The following HEATR5B variants were observed in gnomAD, a reference collection of about 807,000 sequenced individuals.
HEATR5B encodes HEAT repeat-containing protein 5B.
In HEATR5B, 156 loss-of-function variants were observed where a neutral mutation model predicts 224.1. The ratio of observed to expected loss-of-function variants is 0.70; its 90% CI spans 0.61 to 0.80. The LOEUF is 0.80. HEATR5B is among the 30% of genes least tolerant of loss of function. The pLI is 0.00. For missense variants in HEATR5B, 2,323 were observed against 2,535.5 expected (o/e 0.92, Z 1.80); for synonymous variants, 1,027 against 893.0 (o/e 1.15, Z -2.68).
intron 20 of HEATR5B, among the ~76,000 whole-genome samples, chr2:37,040,072 C>G (rs1327982382): frequency 1.3e-5 from 2 of 152,186 alleles, no homozygotes; most frequent in Admixed American, 6.5e-5. Flanking sequence ...TTTCATGGGA[C>G]TCCAAGTAAA....
chr2:37,023,729 G>A (rs1264482382), intron 24 of HEATR5B, among the ~76,000 whole-genome samples: 1 of 152,094 alleles, frequency 6.6e-6, no homozygotes, highest in Non-Finnish European at 1.5e-5. Flanking sequence ...AGTGAGCCGA[G>A]ATCACAGCAC....
intron 12 of HEATR5B, among the ~76,000 whole-genome samples, chr2:37,059,608 C>A (rs1671152114): frequency 6.6e-6 from 1 of 150,684 alleles, no homozygotes; most frequent in Non-Finnish European, 1.5e-5. Flanking sequence ...GGACTACAGG[C>A]AAGCACCAGC....
rs934559745 is a variant in HEATR5B at position 37,007,012 on chromosome 2, A to T, written c.4777+38T>A. 3 of 1,587,764 alleles carry T rather than the reference A, an allele frequency of 1.9e-6. No homozygotes were observed. In the African/African-American group the frequency reaches 4.0e-5, roughly 21 times the overall value. ...AAAATGAAAGATATGAATTTTCAGA[A>T]GTGATAATCTTGAAATATATTAATA... is the stretch of plus-strand genomic sequence containing the variant. On this transcript the variant is annotated intron_variant, in intron 29 of 35. Coordinates refer to ENST00000233099, the MANE Select transcript of HEATR5B (RefSeq NM_019024.3).
intron 33 of HEATR5B, among the ~76,000 whole-genome samples, chr2:36,992,294 A>ACT (rs1420236494): frequency 6.6e-6 from 1 of 152,164 alleles, no homozygotes; most frequent in African/African-American, 2.4e-5. Flanking sequence ...AAAACCTGAG[A>ACT]ACCCACCCAG....
At chr2:37,061,869 A>T in intron 11 of HEATR5B, 70 bp downstream of exon 11, 1 of 858,218 alleles carries the variant, frequency 1.2e-6, no homozygotes, top group Non-Finnish European at 1.9e-6. Flanking sequence ...TAACACTTTT[A>T]AATTAAATTT....
At chr2:37,016,423 T>C (rs1162527074) in intron 26 of HEATR5B, among the ~76,000 whole-genome samples, 1 of 152,108 alleles carries the variant, frequency 6.6e-6, no homozygotes, top group Non-Finnish European at 1.5e-5. Context: ...ATGTCCTTAC[T>C]TTCTCATCTG....
intron 35 of HEATR5B, among the ~76,000 whole-genome samples, chr2:36,982,438 T>C (rs1045305123): frequency 3.3e-5 from 5 of 152,200 alleles, no homozygotes; most frequent in African/African-American, 4.8e-5. Flanking sequence ...AACAACTCCA[T>C]CCTGGGATAT....
chr2:37,024,528 T>C (rs1668652285), intron 24 of HEATR5B, among the ~76,000 whole-genome samples: 1 of 152,130 alleles, frequency 6.6e-6, no homozygotes, highest in Admixed American at 6.6e-5. Flanking sequence ...ATTAAAAAAA[T>C]TTTGCCCAAC....
intron 18 of HEATR5B, among the ~76,000 whole-genome samples, chr2:37,045,424 T>G (rs1670127237): frequency 6.6e-6 from 1 of 152,300 alleles, no homozygotes; most frequent in African/African-American, 2.4e-5. Flanking sequence ...CTTTTAAGCT[T>G]TTTTAGGGTG....
Position 37,028,871 on chromosome 2 carries a change from G to A in HEATR5B, c.3411C>T (p.Cys1137=), listed in dbSNP as rs778119805. The A allele has an allele frequency of 6.2e-7, 1 of 1,613,692 alleles. No individual in the cohort carries two copies. Among genetic ancestry groups the A allele is most frequent in the African/African-American group, 1.3e-5 (1 of 74,898 alleles). The stretch of plus-strand genomic sequence containing the variant: ...CTGTTATATTAACACCTTGGTGCCG[G>A]CAATGGATATCAGTTCGAGAACTAA... ...PGVSSRTDIH[C]RHQGVNITET... The change falls in exon 23 of 36, where the codon TGC becomes TGT. Residue 1137 remains cysteine (C), a synonymous_variant. Coordinates refer to ENST00000233099, the MANE Select transcript of HEATR5B (RefSeq NM_019024.3).
At chr2:37,018,914 C>T (rs1668291029) in intron 26 of HEATR5B, among the ~76,000 whole-genome samples, 1 of 152,104 alleles carries the variant, frequency 6.6e-6, no homozygotes, top group African/African-American at 2.4e-5. Context: ...GTAATACCAG[C>T]ACTTTGGGAG....
At chr2:37,054,840 A>G (rs1670803167) in intron 16 of HEATR5B, among the ~76,000 whole-genome samples, 1 of 152,158 alleles carries the variant, frequency 6.6e-6, no homozygotes, top group Non-Finnish European at 1.5e-5. Flanking sequence ...AAAAGAAATG[A>G]TGTGAAACAA....
chr2:37,062,777 G>T (rs972644749), intron 10 of HEATR5B, among the ~76,000 whole-genome samples: 1 of 152,094 alleles, frequency 6.6e-6, no homozygotes, highest in South Asian at 2.1e-4. Flanking sequence ...AGCTCCAAAA[G>T]ATTAGCTTAC....
intron 27 of HEATR5B, among the ~76,000 whole-genome samples, chr2:37,009,556 A>G (rs886407118): frequency 6.6e-6 from 1 of 151,908 alleles, no homozygotes; most frequent in Non-Finnish European, 1.5e-5. Context: ...CAGCCTGGGC[A>G]CCAGATTTGA....
chr2:37,008,524 A>T, intron 28 of HEATR5B, 87 bp downstream of exon 28: 1 of 897,482 alleles, frequency 1.1e-6, no homozygotes, highest in Non-Finnish European at 1.9e-6. Flanking sequence ...TACTATAGCA[A>T]CTGTTGTTGC....
At chr2:37,021,521 CCTCT>C (rs1353803375) in intron 24 of HEATR5B, among the ~76,000 whole-genome samples, 1 of 152,090 alleles carries the variant, frequency 6.6e-6, no homozygotes, top group African/African-American at 2.4e-5. Context: ...AGAAATCATC[CCTCT>C]CTCTATGCTG....
intron 30 of HEATR5B, among the ~76,000 whole-genome samples, chr2:37,004,875 T>C (rs1018290697): frequency 8.5e-5 from 13 of 152,302 alleles, no homozygotes; most frequent in African/African-American, 2.6e-4. Context: ...AGTGTTATCA[T>C]TTCTCTGGAA....
At chr2:37,000,277 G>T (rs567760858) in intron 33 of HEATR5B, among the ~76,000 whole-genome samples, 2 of 151,990 alleles carry the variant, frequency 1.3e-5, no homozygotes, top group African/African-American at 2.4e-5. Flanking sequence ...GGGTTTCACC[G>T]TGTTAATCAG....
chr2:37,029,043 T>C (rs1668955774), intron 22 of HEATR5B, 123 bp from the exon 23 acceptor site: 1 of 891,780 alleles, frequency 1.1e-6, no homozygotes, highest in South Asian at 1.8e-5. Context: ...GCTAGCTATA[T>C]ACAATTTAAC....
Sources: allele counts gnomAD v4.1 joint callset (sites outside exome capture counted in the v4.1 genomes callset), GRCh38; gene constraint gnomAD v4.1.1; transcripts MANE v1.5; gene names NCBI Gene and HGNC (gene_info 2026-07-23, HGNC 2026-07-21).